The following RNASE9 variants were observed in gnomAD, a reference collection of about 807,000 sequenced individuals.
The protein encoded by RNASE9 is inactive ribonuclease-like protein 9.
For missense variants in RNASE9, 263 were observed against 247.1 expected (o/e 1.06, Z -0.43); for synonymous variants, 95 against 87.6 (o/e 1.08, Z -0.47).
chr14:20,556,817 G>A lies in RNASE9; in HGVS notation c.253C>T (p.His85Tyr), dbSNP rs776936297. 10 of 1,613,840 alleles carry A rather than the reference G, an allele frequency of 6.2e-6. No individual in the cohort carries two copies. In the South Asian group the frequency reaches 9.9e-5, roughly 16 times the overall value. ...TAAACATTTTTTCCCATGATTTCAT[G>A]GTTACAGTACTCTATATGATTTAGT... Residue 85 changes from histidine to tyrosine, a missense_variant, in exon 3 of 3, where the codon CAT becomes TAT. His to Tyr is a moderately conservative substitution (Grantham distance 83, BLOSUM62 2). Transcript: ENST00000555230.
At chr14:20,560,041 C>T (rs1165845327) in intron 1 of RNASE9, among the ~76,000 whole-genome samples, 1 of 152,098 alleles carries the variant, frequency 6.6e-6, no homozygotes, top group Non-Finnish European at 1.5e-5. Flanking sequence ...TTTAACCACA[C>T]ACATAAGAAG....
exon 3 of RNASE9, chr14:20,556,378 T>C: frequency 8.8e-7 from 1 of 1,136,860 alleles, no homozygotes. Flanking sequence ...AAATTACCAT[T>C]CTCAACTTTG....
chr14:20,556,171 C>A, exon 3 of RNASE9: 1 of 346,732 alleles, frequency 2.9e-6, no homozygotes, highest in Non-Finnish European at 5.3e-6. Flanking sequence ...TTCAGGCAAC[C>A]ATTTCCTTTT....
chr14:20,558,360 G>C, exon 3 of RNASE9: 2 of 654,798 alleles, frequency 3.1e-6, no homozygotes, highest in Non-Finnish European at 5.6e-6. Flanking sequence ...TTAAAGAAAG[G>C]TGGGTGTTGG....
exon 3 of RNASE9, chr14:20,556,920 T>A (rs774850516): frequency 7.4e-6 from 12 of 1,614,098 alleles, no homozygotes; most frequent in South Asian, 4.4e-5. Flanking sequence ...TACTAAAAAA[T>A]TTTTCCAAAC....
At chr14:20,556,352 A>T in exon 3 of RNASE9, 2 of 879,018 alleles carry the variant, frequency 2.3e-6, no homozygotes, top group Non-Finnish European at 1.8e-6. Flanking sequence ...GTGGGTGATT[A>T]AAGTGAATGG....
intron 1 of RNASE9, among the ~76,000 whole-genome samples, chr14:20,560,564 G>A (rs1436044498): frequency 6.6e-6 from 1 of 151,842 alleles, no homozygotes; most frequent in Non-Finnish European, 1.5e-5. Context: ...CAAAAATGTG[G>A]GAAAGGGAAA....
At chr14:20,558,620 C>T (rs1466670192) in exon 3 of RNASE9, 18 of 1,547,178 alleles carry the variant, frequency 1.2e-5, no homozygotes, top group Non-Finnish European at 1.4e-5. Flanking sequence ...CATACTCTCA[C>T]AAGAACGCGG....
chr14:20,558,359 G>T, exon 3 of RNASE9: 1 of 654,220 alleles, frequency 1.5e-6, no homozygotes, highest in Non-Finnish European at 2.8e-6. Flanking sequence ...ATTAAAGAAA[G>T]GTGGGTGTTG....
At chr14:20,558,351 T>A in exon 3 of RNASE9, 1 of 646,494 alleles carries the variant, frequency 1.5e-6, no homozygotes, top group East Asian at 2.7e-5. Flanking sequence ...ATGATGGAAT[T>A]AAAGAAAGGT....
chr14:20,560,469 C>T (rs912924870), intron 1 of RNASE9: 1 of 151,620 alleles, frequency 6.6e-6, no homozygotes, highest in South Asian at 2.1e-4. Context: ...AGCTAGAATT[C>T]TAAGTTGCAA....
exon 3 of RNASE9, chr14:20,556,393 A>G (rs1883685912): frequency 2.1e-5 from 26 of 1,233,598 alleles, no homozygotes; most frequent in South Asian, 2.8e-5. Flanking sequence ...ACTTTGATCT[A>G]TAAGGATCAG....
chr14:20,558,628 C>G, exon 3 of RNASE9: 2 of 1,541,272 alleles, frequency 1.3e-6, no homozygotes, highest in East Asian at 4.9e-5. Context: ...CACAAGAACG[C>G]GGAGCCTCTG....
exon 3 of RNASE9, chr14:20,558,633 C>T (rs575023746): frequency 6.5e-7 from 1 of 1,526,828 alleles, no homozygotes; most frequent in South Asian, 1.2e-5. Context: ...GAACGCGGAG[C>T]CTCTGCAACA....
exon 3 of RNASE9, chr14:20,556,206 A>T: frequency 1.2e-5 from 5 of 434,206 alleles, no homozygotes; most frequent in Non-Finnish European, 2.0e-5. Context: ...TCATCCTTCC[A>T]CTGCAGGCAT....
At chr14:20,558,283 G>A (rs182001164) in exon 3 of RNASE9, 9 of 571,782 alleles carry the variant, frequency 1.6e-5, no homozygotes, top group Middle Eastern at 4.7e-4. Flanking sequence ...GAGATGGACA[G>A]CCTCCTGTTC....
exon 3 of RNASE9, chr14:20,557,376 G>A: frequency 3.2e-6 from 1 of 313,088 alleles, no homozygotes. Context: ...AAGAAATGGA[G>A]CAAGAGAGAG....
chr14:20,557,254 C>A lies in RNASE9; in HGVS notation c.-185G>T, dbSNP rs1040203901. 8.2e-6 allele frequency: 5 copies of A among 607,690 alleles called. No homozygotes were observed. In the Admixed American group the frequency reaches 9.4e-5, roughly 11 times the overall value. The allele number at this position is 607,690 out of a possible 1,614,324, so 37.6% of individuals were successfully genotyped here. A position where few individuals can be genotyped will look rare whatever the true frequency, so the allele number is the denominator to read the frequency against. Reference sequence around the variant, plus strand: ...ACTTCTAAATTATTGACAAAAATGACCTTACTAGGCCTACAGTCAGTCTAG... The same window carrying A: ...ACTTCTAAATTATTGACAAAAATGAACTTACTAGGCCTACAGTCAGTCTAG... On this transcript the variant is annotated 5_prime_UTR_variant, in exon 3 of 3. Coordinates refer to ENST00000555230, the Ensembl canonical transcript of RNASE9.
At chr14:20,556,823 A>T (rs761989784) in exon 3 of RNASE9, 1 of 1,614,104 alleles carries the variant, frequency 6.2e-7, no homozygotes, top group Non-Finnish European at 8.5e-7. Flanking sequence ...TCATGGTTAC[A>T]GTACTCTATA....
Sources: gnomAD v4.1 joint callset for allele counts (sites outside exome capture counted in the v4.1 genomes callset) on GRCh38, gnomAD v4.1.1 for gene constraint, MANE v1.5 for transcripts, NCBI Gene and HGNC (gene_info 2026-07-23, HGNC 2026-07-21) for gene names.